The following DLG2 variants were observed in gnomAD, a reference collection of about 807,000 sequenced individuals.
The protein encoded by DLG2 is discs large MAGUK scaffold protein 2.
A neutral mutation model predicts 132.5 loss-of-function variants in DLG2; 45 were observed. The observed-to-expected ratio is 0.34, with a 90% CI of 0.27 to 0.44. DLG2 has a LOEUF of 0.44. Ranked by LOEUF, DLG2 falls within the 20% of genes least tolerant of loss-of-function variation. DLG2 has a pLI of 1.00. For synonymous variants in DLG2, 424 were observed against 419.6 expected, an observed-to-expected ratio of 1.01 and a Z score of -0.13; for missense variants, 1,045 against 1,196.9, an observed-to-expected ratio of 0.87 and a Z score of 1.87.
At chr11:83,651,805 G>C (rs765398818) in intron 18 of DLG2, 9 of 470,688 alleles carry the variant, frequency 1.9e-5, no homozygotes, top group Non-Finnish European at 3.5e-5. Flanking sequence ...AACACACTTA[G>C]AGGATTACAG....
At chr11:84,978,571 T>G (rs992923038) in intron 6 of DLG2, among the ~76,000 whole-genome samples, 26 of 152,132 alleles carry the variant, frequency 1.7e-4, no homozygotes, top group Non-Finnish European at 3.2e-4. Flanking sequence ...GGGAAAGGAT[T>G]CCCTATTTAA....
At chr11:84,710,452 A>T (rs1214229903) in intron 6 of DLG2, among the ~76,000 whole-genome samples, 2 of 151,998 alleles carry the variant, frequency 1.3e-5, no homozygotes, top group African/African-American at 4.8e-5. Context: ...GCTCCAAGAG[A>T]AAAATCGAAG....
Position 84,874,688 on chromosome 11 carries a change from T to G in DLG2, c.357+236973A>C, listed in dbSNP as rs553016435. 5.1e-4 allele frequency among the ~76,000 whole-genome samples: 78 copies of G among 152,160 alleles called. 1 individual carries two copies. In the Middle Eastern group the frequency reaches 0.024, roughly 46 times the overall value. ...TCATGTGAGAGATGATTCCTTGAAT[T>G]AGACTGATAGAAGGAAATGGAGATT... On this transcript the variant is annotated intron_variant, in intron 6 of 27. Coordinates refer to ENST00000376104, the MANE Select transcript of DLG2 (RefSeq NM_001142699.3).
chr11:85,463,462 A>G (rs562553644), intron 3 of DLG2, among the ~76,000 whole-genome samples: 2 of 152,338 alleles, frequency 1.3e-5, no homozygotes, highest in African/African-American at 2.4e-5. Flanking sequence ...TAATAGAAAT[A>G]AGAAATGTGT....
chr11:85,097,093 C>T (rs2069961022), intron 6 of DLG2, among the ~76,000 whole-genome samples: 1 of 152,176 alleles, frequency 6.6e-6, no homozygotes, highest in African/African-American at 2.4e-5. Flanking sequence ...AGCCTTGCCT[C>T]CTGGGTCCTA....
At chr11:85,381,976 C>T (rs2085930361) in intron 3 of DLG2, among the ~76,000 whole-genome samples, 1 of 152,054 alleles carries the variant, frequency 6.6e-6, no homozygotes, top group Non-Finnish European at 1.5e-5. Context: ...GGTCATAACA[C>T]CCTGAAAACA....
chr11:85,587,335 C>T (rs557459748), intron 3 of DLG2, among the ~76,000 whole-genome samples: 2 of 152,204 alleles, frequency 1.3e-5, no homozygotes, highest in Admixed American at 1.3e-4. Flanking sequence ...CCATCTATCT[C>T]ATTTCTTAGG....
intron 21 of DLG2, among the ~76,000 whole-genome samples, chr11:83,508,116 A>G (rs183507615): frequency 6.2e-4 from 95 of 152,056 alleles, no homozygotes; most frequent in African/African-American, 2.1e-3. Flanking sequence ...CTTTGGCAAC[A>G]CCCTCACAGA....
chr11:83,569,613 A>G (rs2096764973), intron 19 of DLG2, among the ~76,000 whole-genome samples: 1 of 152,230 alleles, frequency 6.6e-6, no homozygotes. Context: ...TGATTGTTCC[A>G]GGATATGATG....
At chr11:84,950,050 C>A (rs145415334) in intron 6 of DLG2, among the ~76,000 whole-genome samples, 1 of 152,152 alleles carries the variant, frequency 6.6e-6, no homozygotes, top group East Asian at 1.9e-4. Flanking sequence ...TGGCTTCAGC[C>A]GGACCCTCCG....
chr11:85,284,058 T>C (rs1296785231), intron 4 of DLG2, among the ~76,000 whole-genome samples: 1 of 151,980 alleles, frequency 6.6e-6, no homozygotes, highest in Non-Finnish European at 1.5e-5. Flanking sequence ...TGTTATGATA[T>C]GGATAAATGC....
At chr11:84,305,215 G>A (rs79193478) in intron 7 of DLG2, among the ~76,000 whole-genome samples, 13,737 of 152,140 alleles carry the variant, frequency 0.09, 676 homozygotes, top group Non-Finnish European at 0.1. Flanking sequence ...ATGAAAATAT[G>A]GCAGTCTGTG....
intron 18 of DLG2, among the ~76,000 whole-genome samples, chr11:83,758,840 A>T (rs563131642): frequency 6.6e-6 from 1 of 152,278 alleles, no homozygotes; most frequent in African/African-American, 2.4e-5. Context: ...CAATTGTATC[A>T]TTTATGTAAT....
intron 26 of DLG2, among the ~76,000 whole-genome samples, chr11:83,462,597 G>A (rs1330163300): frequency 6.6e-6 from 1 of 152,104 alleles, no homozygotes; most frequent in Admixed American, 6.5e-5. Context: ...ATCAGAGACT[G>A]GGAAGGGAAG....
intron 3 of DLG2, among the ~76,000 whole-genome samples, chr11:85,331,333 A>T (rs915086350): frequency 2.6e-5 from 4 of 152,242 alleles, no homozygotes; most frequent in African/African-American, 9.6e-5. Flanking sequence ...GTAAATGTAT[A>T]CAAATGCATA....
At chr11:84,695,920 G>C (rs1280748548) in intron 6 of DLG2, among the ~76,000 whole-genome samples, 1 of 151,402 alleles carries the variant, frequency 6.6e-6, no homozygotes, top group Non-Finnish European at 1.5e-5. Flanking sequence ...CCTATACTAG[G>C]CTGTCTGCTC....
intron 6 of DLG2, among the ~76,000 whole-genome samples, chr11:84,998,944 T>C (rs1412169962): frequency 6.6e-6 from 1 of 151,486 alleles, no homozygotes; most frequent in Admixed American, 6.6e-5. Flanking sequence ...AAGGATTTCA[T>C]TTTTGTCCCT....
chr11:84,781,420 G>A (rs1449683557), intron 6 of DLG2, among the ~76,000 whole-genome samples: 1 of 151,910 alleles, frequency 6.6e-6, no homozygotes, highest in Non-Finnish European at 1.5e-5. Context: ...TCCCTGAGTT[G>A]ATTTCATTCA....
At chr11:84,219,831 C>G (rs944634681) in intron 8 of DLG2, among the ~76,000 whole-genome samples, 5 of 152,284 alleles carry the variant, frequency 3.3e-5, no homozygotes, top group Middle Eastern at 3.4e-3. Flanking sequence ...ATCATTCACT[C>G]ATTTTATTGT....
Sources: allele counts gnomAD v4.1 joint callset (sites outside exome capture counted in the v4.1 genomes callset), GRCh38; gene constraint gnomAD v4.1.1; transcripts MANE v1.5; gene names NCBI Gene and HGNC (gene_info 2026-07-23, HGNC 2026-07-21).